FHIT: variants seen among roughly 807,000 people sequenced by gnomAD.
FHIT encodes the protein fragile histidine triad diadenosine triphosphatase.
FHIT carries 19 observed loss-of-function variants against 17.9 expected under a neutral mutation model. That is an observed-to-expected ratio of 1.06 (90% confidence interval 0.74 to 1.56). The LOEUF (loss-of-function observed/expected upper bound fraction) is 1.56. Among genes scored for constraint, FHIT ranks in the 40% most tolerant of loss-of-function variants. The pLI is 0.00. For missense variants in FHIT, 248 were observed against 189.2 expected, an observed-to-expected ratio of 1.31 and a Z score of -1.82; for synonymous variants, 81 against 69.7, an observed-to-expected ratio of 1.16 and a Z score of -0.81.
At chr3:59,907,609 G>A (rs1465225913) in intron 8 of FHIT, among the ~76,000 whole-genome samples, 1 of 152,298 alleles carries the variant, frequency 6.6e-6, no homozygotes, top group East Asian at 1.9e-4. Flanking sequence ...ATGCATGTGT[G>A]TGCATGTGTG....
intron 4 of FHIT, among the ~76,000 whole-genome samples, chr3:60,665,588 C>T (rs782321436): frequency 6.6e-6 from 1 of 151,882 alleles, no homozygotes; most frequent in African/African-American, 2.4e-5. Context: ...CTAGTATAAG[C>T]ACTCCTGTTT....
intron 5 of FHIT, among the ~76,000 whole-genome samples, chr3:60,263,295 T>C (rs2107613747): frequency 6.6e-6 from 1 of 152,092 alleles, no homozygotes; most frequent in Middle Eastern, 3.4e-3. Flanking sequence ...GGCAATTCCT[T>C]GTAAATTTGA....
At chr3:59,864,839 A>AT (rs1342162309) in intron 8 of FHIT, among the ~76,000 whole-genome samples, 1 of 152,106 alleles carries the variant, frequency 6.6e-6, no homozygotes, top group Non-Finnish European at 1.5e-5. Context: ...AGAGAAAAAA[A>AT]AAAAAACATT....
At chr3:60,887,841 G>A (rs72889126) in intron 3 of FHIT, among the ~76,000 whole-genome samples, 1 of 152,006 alleles carries the variant, frequency 6.6e-6, no homozygotes, top group Non-Finnish European at 1.5e-5. Context: ...ATTTTAGCCT[G>A]TCTATAAGTA....
chr3:60,645,210 T>A (rs978535754), intron 4 of FHIT, among the ~76,000 whole-genome samples: 7 of 152,138 alleles, frequency 4.6e-5, no homozygotes, highest in African/African-American at 1.7e-4. Flanking sequence ...AGTCCAGAAC[T>A]GATCCCCAGG....
At chr3:61,217,051 G>A (rs189585157) in intron 1 of FHIT, among the ~76,000 whole-genome samples, 1 of 151,828 alleles carries the variant, frequency 6.6e-6, no homozygotes, top group African/African-American at 2.4e-5. Flanking sequence ...GCTAAATGAT[G>A]AGTTAATGAG....
intron 5 of FHIT, among the ~76,000 whole-genome samples, chr3:60,093,232 G>A (rs1559625152): frequency 6.6e-6 from 1 of 152,122 alleles, no homozygotes; most frequent in Non-Finnish European, 1.5e-5. Flanking sequence ...GCGCAGAGGT[G>A]ACTTCCTTTC....
At chr3:61,059,995 TGTGTGTAG>T (rs2034368707) in intron 2 of FHIT, among the ~76,000 whole-genome samples, 1 of 152,114 alleles carries the variant, frequency 6.6e-6, no homozygotes, top group African/African-American at 2.4e-5. Flanking sequence ...TATGAGTGTG[TGTGTGTAG>T]GTGTGTAGGT....
chr3:60,283,851 C>A (rs898644848), intron 5 of FHIT, among the ~76,000 whole-genome samples: 2 of 151,906 alleles, frequency 1.3e-5, no homozygotes, highest in African/African-American at 4.8e-5. Context: ...CAAAGGTATA[C>A]AATAGGGAAA....
At chr3:59,952,867 G>T in intron 7 of FHIT, among the ~76,000 whole-genome samples, 1 of 152,122 alleles carries the variant, frequency 6.6e-6, no homozygotes, top group South Asian at 2.1e-4. Context: ...CTTGTGGACA[G>T]CTGTGTGGGA....
In FHIT at chr3:60,130,794, TAC is replaced by T. The variant is rs1474101655; in HGVS notation, c.104-116644_104-116643del. ...TGTGTGTGTGTGTGTGGTGTGTATA[TAC>T]ACACATATATATGTGTGTATGTGTG... On this transcript the variant is annotated intron_variant, in intron 5 of 9. Transcript: ENST00000492590. 2.5e-3 allele frequency among the ~76,000 whole-genome samples: 243 copies of T among 99,076 alleles called. 1 individual carries two copies. The highest frequency in any genetic ancestry group is 2.9e-3 in the African/African-American group (96 of 33,024). The allele number at this position is 99,076 out of a possible 152,430, so 65.0% of individuals were successfully genotyped here.
In FHIT at chr3:60,612,133, A is replaced by AG. The variant is rs112213825; in HGVS notation, c.-17-75155dup. Among the ~76,000 whole-genome samples, 1,231 of 152,114 alleles carry AG rather than the reference A, an allele frequency of 8.1e-3. 14 individuals are homozygous for AG. Among genetic ancestry groups the AG allele is most frequent in the African/African-American group, 0.028 (1,165 of 41,484 alleles). ...GGGCTACCTCCCTGACTGGCATCCT[A>AG]GGGGGGCTCTCCATGGCCTTTAGTG... On this transcript the variant is annotated intron_variant, in intron 4 of 9. Coordinates refer to ENST00000492590, the MANE Select transcript of FHIT (RefSeq NM_002012.4).
At chr3:60,635,565 T>C (rs1289203591) in intron 4 of FHIT, among the ~76,000 whole-genome samples, 1 of 152,230 alleles carries the variant, frequency 6.6e-6, no homozygotes, top group African/African-American at 2.4e-5. Context: ...ATGTTTATTA[T>C]CTTACTCCAT....
chr3:60,027,269 A>G (rs970841448), intron 5 of FHIT, among the ~76,000 whole-genome samples: 1 of 152,230 alleles, frequency 6.6e-6, no homozygotes, highest in African/African-American at 2.4e-5. Context: ...GCCTAAGGAA[A>G]AAGAAAACTG....
intron 2 of FHIT, among the ~76,000 whole-genome samples, chr3:61,140,504 G>A (rs532483903): frequency 2.0e-5 from 3 of 152,236 alleles, no homozygotes; most frequent in African/African-American, 7.2e-5. Flanking sequence ...AAGGGCGTGG[G>A]TAATCTCCTT....
chr3:60,474,848 C>G (rs2033266499), intron 5 of FHIT, among the ~76,000 whole-genome samples: 2 of 152,132 alleles, frequency 1.3e-5, no homozygotes, highest in Admixed American at 1.3e-4. Context: ...TTCTCAAACT[C>G]CTGACCTAAC....
intron 3 of FHIT, among the ~76,000 whole-genome samples, chr3:60,825,561 C>T (rs1220944590): frequency 6.6e-6 from 1 of 152,050 alleles, no homozygotes; most frequent in East Asian, 1.9e-4. Flanking sequence ...GGTGGGCAAG[C>T]GAGCATTACC....
chr3:60,639,214 GC>G (rs2039665771), intron 4 of FHIT, among the ~76,000 whole-genome samples: 1 of 151,728 alleles, frequency 6.6e-6, no homozygotes, highest in South Asian at 2.1e-4. Flanking sequence ...CAGTTTCTGA[GC>G]TAGAGAGAGA....
At chr3:61,159,984 G>A (rs1266748249) in intron 2 of FHIT, among the ~76,000 whole-genome samples, 3 of 152,112 alleles carry the variant, frequency 2.0e-5, no homozygotes, top group African/African-American at 7.2e-5. Flanking sequence ...TGACACTAGG[G>A]AATGAAGGAA....
Sources: gnomAD v4.1 joint callset for allele counts (sites outside exome capture counted in the v4.1 genomes callset) on GRCh38, gnomAD v4.1.1 for gene constraint, MANE v1.5 for transcripts, NCBI Gene and HGNC (gene_info 2026-07-23, HGNC 2026-07-21) for gene names.